RPS6KC1: variants seen among roughly 807,000 people sequenced by gnomAD.
RPS6KC1 encodes the protein inactive ribosomal protein S6 kinase delta-1.
A neutral mutation model predicts 103.8 loss-of-function variants in RPS6KC1; 54 were observed. The ratio of observed to expected loss-of-function variants is 0.52; its 90% CI spans 0.42 to 0.65. RPS6KC1 has a LOEUF of 0.65. Among genes scored for constraint, RPS6KC1 ranks in the 30% least tolerant of loss-of-function variants. The probability of loss-of-function intolerance (pLI) is 0.00; values close to 1 mark genes in which losing one functional copy is unlikely to be tolerated. For synonymous variants in RPS6KC1, 439 were observed against 438.7 expected (o/e 1.00, Z -0.01); for missense variants, 1,151 against 1,253.8 (o/e 0.92, Z 1.24).
In RPS6KC1 at chr1:213,231,904, A is replaced by G. The variant is rs560800774; in HGVS notation, c.1093-219A>G. 2.0e-5 allele frequency among the ~76,000 whole-genome samples: 3 copies of G among 152,336 alleles called. No homozygotes were observed. The South Asian group carries it at 6.2e-4, about 32-fold the overall frequency. On this transcript the variant is annotated intron_variant, in intron 9 of 14. Coordinates refer to ENST00000366960, the MANE Select transcript of RPS6KC1 (RefSeq NM_012424.6). The stretch of plus-strand genomic sequence containing the variant: ...ACACTGACCCACGTAATTGATTTTA[A>G]TGGCAGCTTTGTGGCATCTTCCTTC...
At chr1:213,276,702 C>T (rs192103964), downstream of RPS6KC1, among the ~76,000 whole-genome samples, 34 of 152,222 alleles carry the variant, frequency 2.2e-4, no homozygotes, top group African/African-American at 6.3e-4. Flanking sequence ...GGGTTGCTGC[C>T]GTACATCTGC....
chr1:213,247,229 C>T (rs139785540), intron 12 of RPS6KC1, among the ~76,000 whole-genome samples: 1,906 of 152,304 alleles, frequency 0.013, 20 homozygotes, highest in Middle Eastern at 0.031. Flanking sequence ...CAAATGACAG[C>T]TTTGCTTCCT....
chr1:213,178,638 G>A (rs943665587), intron 8 of RPS6KC1, among the ~76,000 whole-genome samples: 1 of 152,094 alleles, frequency 6.6e-6, no homozygotes, highest in Non-Finnish European at 1.5e-5. Context: ...CCTAAGTTCT[G>A]CTGAGGGATA....
the RPS6KC1 span, among the ~76,000 whole-genome samples, chr1:213,608,351 T>C: frequency 6.6e-6 from 1 of 152,182 alleles, no homozygotes; most frequent in African/African-American, 2.4e-5. Context: ...GTTGCTCCCC[T>C]GTGGAAGCCA....
chr1:213,250,924 A>G (rs2094534111), intron 12 of RPS6KC1, among the ~76,000 whole-genome samples: 1 of 152,166 alleles, frequency 6.6e-6, no homozygotes, highest in Admixed American at 6.5e-5. Context: ...TAACATTTAA[A>G]AAATATTTGT....
the RPS6KC1 span, among the ~76,000 whole-genome samples, chr1:213,665,080 A>G: frequency 6.6e-6 from 1 of 152,046 alleles, no homozygotes; most frequent in Non-Finnish European, 1.5e-5. Context: ...AATTCTTATC[A>G]TTTTACAGAT....
the RPS6KC1 span, among the ~76,000 whole-genome samples, chr1:213,521,875 A>G: frequency 6.6e-6 from 1 of 152,186 alleles, no homozygotes; most frequent in African/African-American, 2.4e-5. Context: ...TACTTCCCCT[A>G]CTGACGTTGC....
At chr1:213,573,544 G>T in the RPS6KC1 span, among the ~76,000 whole-genome samples, 2 of 152,184 alleles carry the variant, frequency 1.3e-5, no homozygotes, top group Non-Finnish European at 2.9e-5. Flanking sequence ...ACAGTGAAAA[G>T]AAGCAGGGAA....
the RPS6KC1 span, among the ~76,000 whole-genome samples, chr1:213,856,230 C>T: frequency 3.3e-5 from 5 of 152,174 alleles, no homozygotes; most frequent in Admixed American, 2.0e-4. Context: ...TGGAATGTGT[C>T]GGGTCCCTGT....
the RPS6KC1 span, among the ~76,000 whole-genome samples, chr1:213,479,543 C>G: frequency 1.9e-3 from 295 of 151,946 alleles, 1 homozygote; most frequent in African/African-American, 6.4e-3. Context: ...TGCCTGTTTT[C>G]TATGGTGCTG....
the RPS6KC1 span, among the ~76,000 whole-genome samples, chr1:213,487,421 A>G: frequency 2.6e-5 from 4 of 152,104 alleles, no homozygotes; most frequent in African/African-American, 4.8e-5. Flanking sequence ...ACTAACTACA[A>G]TAGTTTTCTC....
At chr1:213,480,723 C>A in the RPS6KC1 span, among the ~76,000 whole-genome samples, 2 of 152,046 alleles carry the variant, frequency 1.3e-5, no homozygotes, top group Admixed American at 1.3e-4. Flanking sequence ...GAAAAAAAGT[C>A]TCCATTCTAT....
chr1:213,676,751 T>A, the RPS6KC1 span, among the ~76,000 whole-genome samples: 1 of 152,242 alleles, frequency 6.6e-6, no homozygotes, highest in Non-Finnish European at 1.5e-5. Context: ...CCAACCAGAC[T>A]TCTTTTCTGT....
At chr1:213,150,137 A>G (rs1434474292) in intron 6 of RPS6KC1, among the ~76,000 whole-genome samples, 3 of 152,012 alleles carry the variant, frequency 2.0e-5, no homozygotes, top group African/African-American at 7.2e-5. Flanking sequence ...GTCCATTTGC[A>G]TTCAATGTTA....
chr1:213,059,401 A>T (rs1473261110), intron 1 of RPS6KC1, among the ~76,000 whole-genome samples: 1 of 152,206 alleles, frequency 6.6e-6, no homozygotes, highest in Non-Finnish European at 1.5e-5. Context: ...GAGTGGTGAG[A>T]GTAGACTTCC....
the RPS6KC1 span, among the ~76,000 whole-genome samples, chr1:213,437,750 G>T: frequency 6.7e-6 from 1 of 149,376 alleles, no homozygotes; most frequent in Admixed American, 6.7e-5. Context: ...TCTGCCTTTT[G>T]TTTTTTTTTG....
chr1:213,489,925 T>C, the RPS6KC1 span, among the ~76,000 whole-genome samples: 1 of 152,176 alleles, frequency 6.6e-6, no homozygotes, highest in Non-Finnish European at 1.5e-5. Flanking sequence ...ACTCAGCCTC[T>C]ATGCTGCAGG....
chr1:213,808,382 G>T, the RPS6KC1 span, among the ~76,000 whole-genome samples: 1 of 152,368 alleles, frequency 6.6e-6, no homozygotes, highest in Admixed American at 6.5e-5. Flanking sequence ...TGCCCCCAGA[G>T]GTGGAGCCTA....
At chr1:213,498,819 A>G in the RPS6KC1 span, among the ~76,000 whole-genome samples, 102 of 117,224 alleles carry the variant, frequency 8.7e-4, no homozygotes, top group South Asian at 1.4e-3. Flanking sequence ...TTGCTCTGTC[A>G]CCCAGGCTGG....
Sources: gnomAD v4.1 joint callset for allele counts (sites outside exome capture counted in the v4.1 genomes callset) on GRCh38, gnomAD v4.1.1 for gene constraint, MANE v1.5 for transcripts, NCBI Gene and HGNC (gene_info 2026-07-23, HGNC 2026-07-21) for gene names.